Variants in GPC3 observed in about 807,000 individuals in gnomAD.
The protein encoded by GPC3 is glypican-3.
GPC3 carries 3 observed loss-of-function variants against 34.4 expected under a neutral mutation model. That is an observed-to-expected ratio of 0.09 (90% CI 0.04 to 0.23). The LOEUF is 0.23. Ranked by LOEUF, GPC3 falls within the 10% of genes least tolerant of loss-of-function variation. The pLI is 1.00. For synonymous variants in GPC3, 177 were observed against 174.0 expected (o/e 1.02, Z -0.13); for missense variants, 351 against 445.6 (o/e 0.79, Z 1.91).
chrX:133,942,955 A>G (rs1262704042), intron 2 of GPC3, among the ~76,000 whole-genome samples: 5 of 111,909 alleles, frequency 4.5e-5, no homozygotes, highest in Non-Finnish European at 9.4e-5. Context: ...TAAACTATTC[A>G]TTTATTTGAC....
chrX:133,640,502 A>T (rs1011252240), intron 6 of GPC3, among the ~76,000 whole-genome samples: 1 of 112,261 alleles, frequency 8.9e-6, no homozygotes, highest in Non-Finnish European at 1.9e-5. Context: ...GCTATAGGGA[A>T]CTATGTCCCA....
At chrX:133,588,082 C>T (rs2069808429) in intron 7 of GPC3, among the ~76,000 whole-genome samples, 1 of 111,455 alleles carries the variant, frequency 9.0e-6, no homozygotes, top group Non-Finnish European at 1.9e-5. Flanking sequence ...GTTGGAGGGG[C>T]TGATATCCCA....
intron 2 of GPC3, among the ~76,000 whole-genome samples, chrX:133,858,047 G>A (rs776142525): frequency 9.0e-5 from 10 of 111,568 alleles, no homozygotes; most frequent in Non-Finnish European, 1.9e-4. Context: ...AGGATGAATG[G>A]ATATCCAGGT....
intron 2 of GPC3, among the ~76,000 whole-genome samples, chrX:133,902,533 G>C (rs1237354630): frequency 9.0e-6 from 1 of 111,315 alleles, no homozygotes; most frequent in Admixed American, 9.5e-5. Context: ...CACTAGCCTG[G>C]CCAACACGGT....
At chrX:133,960,642 T>C (rs2076437619) in intron 1 of GPC3, among the ~76,000 whole-genome samples, 1 of 111,155 alleles carries the variant, frequency 9.0e-6, no homozygotes, top group Non-Finnish European at 1.9e-5. Flanking sequence ...TCTATATATA[T>C]ATATGATGAT....
At chrX:133,979,642 C>T (rs1357541664) in intron 1 of GPC3, among the ~76,000 whole-genome samples, 1 of 111,640 alleles carries the variant, frequency 9.0e-6, no homozygotes. Flanking sequence ...CCCACCTTCA[C>T]CTTGATTTTT....
In GPC3 at chrX:133,617,055, TTAAAAAA is replaced by T. The variant is rs1287433761; in HGVS notation, c.1414-20463_1414-20457del. Reference sequence around the variant, plus strand: ...TCAATGGGGGAAAGAATGCTCTTTTTTAAAAAATAAAAATATTTGATTTATTAATAAC... The same window carrying T: ...TCAATGGGGGAAAGAATGCTCTTTTTTAAAAATATTTGATTTATTAATAAC... On this transcript the variant is annotated intron_variant, in intron 6 of 7. Coordinates refer to ENST00000370818, the MANE Select transcript of GPC3 (RefSeq NM_004484.4). 2.7e-5 allele frequency among the ~76,000 whole-genome samples: 3 copies of T among 111,451 alleles called. No individual in the cohort carries two copies. In the Admixed American group the frequency reaches 2.9e-4, roughly 11 times the overall value.
intron 2 of GPC3, among the ~76,000 whole-genome samples, chrX:133,755,779 A>G (rs973119646): frequency 8.9e-6 from 1 of 111,886 alleles, no homozygotes; most frequent in South Asian, 3.7e-4. Context: ...AAGTTGCTCT[A>G]TCTTATAACA....
Position 133,588,476 on chromosome X carries a change from A to T in GPC3, c.1573+7964T>A, listed in dbSNP as rs752557572. 1.6e-3 allele frequency among the ~76,000 whole-genome samples: 182 copies of T among 111,620 alleles called. 5 individuals carry two copies. The highest frequency in any genetic ancestry group is 1.1e-3 in the Non-Finnish European group (57 of 53,178). ...TCAGCAGGCAACATGATTTGTTCTA[A>T]ATCATTAATATTTTGCAGTTGTCAC... On this transcript the variant is annotated intron_variant, in intron 7 of 7. Coordinates refer to ENST00000370818, the MANE Select transcript of GPC3 (RefSeq NM_004484.4).
chrX:133,721,542 A>G (rs1377523196), intron 3 of GPC3, among the ~76,000 whole-genome samples: 1 of 111,554 alleles, frequency 9.0e-6, no homozygotes, highest in Non-Finnish European at 1.9e-5. Context: ...GAGTTTTAGC[A>G]AACATTCAAA....
At chrX:133,549,495 T>C (rs2069413002) in intron 7 of GPC3, among the ~76,000 whole-genome samples, 1 of 110,675 alleles carries the variant, frequency 9.0e-6, no homozygotes, top group Non-Finnish European at 1.9e-5. Context: ...TGCCCATATA[T>C]TTCTCCAAGT....
chrX:133,899,859 G>A (rs1262577558), intron 2 of GPC3, among the ~76,000 whole-genome samples: 1 of 111,763 alleles, frequency 8.9e-6, no homozygotes, highest in Non-Finnish European at 1.9e-5. Context: ...CTAGAGTGCA[G>A]TGGCATGATC....
At chrX:133,628,774 T>C (rs1349361825) in intron 6 of GPC3, among the ~76,000 whole-genome samples, 1 of 111,468 alleles carries the variant, frequency 9.0e-6, no homozygotes, top group African/African-American at 3.3e-5. Context: ...CAACCAACAT[T>C]TTATCTCCAT....
chrX:133,787,662 C>CTCTGT (rs1192334728), intron 2 of GPC3, among the ~76,000 whole-genome samples: 2 of 111,627 alleles, frequency 1.8e-5, no homozygotes, highest in Non-Finnish European at 3.8e-5. Context: ...TTCTGTTCTG[C>CTCTGT]TCTGTTCTGT....
At chrX:133,931,420 G>C (rs899366947) in intron 2 of GPC3, among the ~76,000 whole-genome samples, 2 of 110,838 alleles carry the variant, frequency 1.8e-5, no homozygotes, top group Non-Finnish European at 3.8e-5. Context: ...AAATCCTCAG[G>C]ATAGAGCTGA....
At chrX:133,611,970 C>G (rs893738779) in intron 6 of GPC3, among the ~76,000 whole-genome samples, 19 of 112,118 alleles carry the variant, frequency 1.7e-4, no homozygotes, top group African/African-American at 6.2e-4. Flanking sequence ...ATAAATGCAC[C>G]ACTCACAACA....
chrX:133,880,113 G>A (rs1372675502), intron 2 of GPC3, among the ~76,000 whole-genome samples: 1 of 111,929 alleles, frequency 8.9e-6, no homozygotes, highest in Non-Finnish European at 1.9e-5. Flanking sequence ...CAACTTTTAT[G>A]AGCACAGTAG....
chrX:133,631,946 A>G (rs1386746583), intron 6 of GPC3, among the ~76,000 whole-genome samples: 1 of 111,005 alleles, frequency 9.0e-6, no homozygotes, highest in Non-Finnish European at 1.9e-5. Flanking sequence ...AACCAACAAA[A>G]GTTCTGTGGA....
intron 6 of GPC3, among the ~76,000 whole-genome samples, chrX:133,630,678 C>G (rs2070356183): frequency 9.0e-6 from 1 of 111,655 alleles, no homozygotes; most frequent in Non-Finnish European, 1.9e-5. Flanking sequence ...TGTCGACAAG[C>G]AGAGATCTGA....
Sources: gnomAD v4.1 joint callset for allele counts (sites outside exome capture counted in the v4.1 genomes callset) on GRCh38, gnomAD v4.1.1 for gene constraint, MANE v1.5 for transcripts, NCBI Gene and HGNC (gene_info 2026-07-23, HGNC 2026-07-21) for gene names.